The following LRRTM4 variants were observed in gnomAD, a reference collection of about 807,000 sequenced individuals.
The protein encoded by LRRTM4 is leucine-rich repeat transmembrane neuronal protein 4.
In LRRTM4, 25 loss-of-function variants were observed where a neutral mutation model predicts 47.6. The observed-to-expected ratio is 0.53, with a 90% confidence interval of 0.38 to 0.73. The LOEUF (loss-of-function observed/expected upper bound fraction) is 0.73. LRRTM4 is among the 30% of genes least tolerant of loss of function. The probability of loss-of-function intolerance (pLI) is 0.00; values close to 1 mark genes in which losing one functional copy is unlikely to be tolerated. For missense variants in LRRTM4, 638 were observed against 713.4 expected, an observed-to-expected ratio of 0.89 and a Z score of 1.20; for synonymous variants, 311 against 269.5, an observed-to-expected ratio of 1.15 and a Z score of -1.51.
chr2:76,799,301 G>A (rs1470866314), intron 3 of LRRTM4, among the ~76,000 whole-genome samples: 2 of 109,236 alleles, frequency 1.8e-5, no homozygotes, highest in Admixed American at 8.8e-5. Context: ...TTCAATATAC[G>A]CAAATCAATA....
intron 3 of LRRTM4, among the ~76,000 whole-genome samples, chr2:76,764,034 T>C (rs189240588): frequency 6.6e-6 from 1 of 152,168 alleles, no homozygotes; most frequent in East Asian, 1.9e-4. Flanking sequence ...AAGAACTCAG[T>C]TGAATGTGTT....
intron 3 of LRRTM4, among the ~76,000 whole-genome samples, chr2:77,165,289 A>G (rs1672847811): frequency 6.6e-6 from 1 of 152,170 alleles, no homozygotes; most frequent in African/African-American, 2.4e-5. Context: ...CGAATAGACC[A>G]ATAACCGGCT....
intron 3 of LRRTM4, among the ~76,000 whole-genome samples, chr2:76,969,834 T>C (rs1440479920): frequency 6.6e-6 from 1 of 151,950 alleles, no homozygotes; most frequent in African/African-American, 2.4e-5. Context: ...GCTATCTCCA[T>C]TTTCTTAGGG....
intron 3 of LRRTM4, among the ~76,000 whole-genome samples, chr2:77,172,643 A>G (rs192134833): frequency 4.9e-4 from 75 of 152,302 alleles, no homozygotes; most frequent in African/African-American, 1.8e-3. Context: ...CTAAACTACA[A>G]CATACAAACA....
At chr2:77,151,044 TA>T (rs914389813) in intron 3 of LRRTM4, among the ~76,000 whole-genome samples, 17 of 152,150 alleles carry the variant, frequency 1.1e-4, no homozygotes, top group African/African-American at 3.9e-4. Context: ...TATGATTTGG[TA>T]AGTTTGGACA....
At chr2:76,937,740 C>T (rs1161536933) in intron 3 of LRRTM4, among the ~76,000 whole-genome samples, 2 of 151,890 alleles carry the variant, frequency 1.3e-5, no homozygotes, top group African/African-American at 4.8e-5. Flanking sequence ...CTAATTTTTT[C>T]GTATTTTAGT....
intron 3 of LRRTM4, among the ~76,000 whole-genome samples, chr2:76,890,385 C>A (rs1053755170): frequency 1.3e-5 from 2 of 151,990 alleles, no homozygotes. Context: ...ATCTACTCTA[C>A]AAGTTCTATA....
intron 3 of LRRTM4, among the ~76,000 whole-genome samples, chr2:76,991,003 A>G (rs1295450994): frequency 6.6e-6 from 1 of 151,826 alleles, no homozygotes; most frequent in African/African-American, 2.4e-5. Context: ...ATCTCTGTAA[A>G]CCACACAGTT....
intron 3 of LRRTM4, among the ~76,000 whole-genome samples, chr2:76,978,585 T>C (rs1676495950): frequency 6.6e-6 from 1 of 152,068 alleles, no homozygotes; most frequent in Admixed American, 6.6e-5. Context: ...CACAGTGCAC[T>C]TAATCATTCC....
intron 3 of LRRTM4, among the ~76,000 whole-genome samples, chr2:77,143,979 A>T (rs1224859305): frequency 1.3e-5 from 2 of 152,168 alleles, no homozygotes; most frequent in African/African-American, 4.8e-5. Flanking sequence ...AGATTGAGAG[A>T]CAGAGATTAA....
Position 77,519,214 on chromosome 2 carries a change from T to G in LRRTM4, c.655A>C (p.Lys219Gln). ...ELHLEHNQFS[K>Q]INFAHFPRLF... is the part of the protein sequence containing the mutation. The stretch of plus-strand genomic sequence containing the variant: ...CGTGGAAAATGAGCAAAGTTGATCT[T>G]GGAAAACTGGTTGTGCTCCAGGTGG... The change falls in exon 3 of 4, where the codon AAG (lysine) becomes CAG (glutamine). Residue 219 changes from lysine to glutamine, a missense_variant. Transcript: ENST00000409884. The surrounding 1 kb of genome is among the most constrained non-coding windows in gnomAD (Gnocchi z 4.6). 6.2e-7 allele frequency: 1 copy of G among 1,613,302 alleles called. No homozygotes were observed. The highest frequency in any genetic ancestry group is 8.5e-7 in the Non-Finnish European group (1 of 1,179,588).
chr2:76,962,654 GTAATA>G (rs1675899894), intron 3 of LRRTM4, among the ~76,000 whole-genome samples: 1 of 150,160 alleles, frequency 6.7e-6, no homozygotes, highest in Non-Finnish European at 1.5e-5. Context: ...AGCAAATTCA[GTAATA>G]TAATTGCAAA....
chr2:76,950,693 C>G (rs553433513), intron 3 of LRRTM4, among the ~76,000 whole-genome samples: 1 of 151,490 alleles, frequency 6.6e-6, no homozygotes, highest in Non-Finnish European at 1.5e-5. Context: ...AAATTAGGGC[C>G]CTATGAAAGC....
chr2:77,433,302 T>A (rs1675459498), intron 3 of LRRTM4, among the ~76,000 whole-genome samples: 2 of 152,140 alleles, frequency 1.3e-5, no homozygotes, highest in Non-Finnish European at 2.9e-5. Context: ...AGAGAATAGA[T>A]GAACAGAAAG....
chr2:76,888,685 A>C (rs2104143230), intron 3 of LRRTM4, among the ~76,000 whole-genome samples: 1 of 151,806 alleles, frequency 6.6e-6, no homozygotes, highest in Admixed American at 6.6e-5. Flanking sequence ...TCTAGATTTT[A>C]GTTTGGACCA....
At chr2:76,911,320 A>G (rs1242949583) in intron 3 of LRRTM4, among the ~76,000 whole-genome samples, 1 of 152,166 alleles carries the variant, frequency 6.6e-6, no homozygotes, top group East Asian at 1.9e-4. Context: ...TTTCACAATT[A>G]TTTCTTTTAA....
chr2:77,499,678 T>C (rs1463998294), intron 3 of LRRTM4, among the ~76,000 whole-genome samples: 1 of 151,958 alleles, frequency 6.6e-6, no homozygotes, highest in Admixed American at 6.6e-5. Context: ...AAGCCTATTT[T>C]ATTTGTCCAG....
chr2:76,807,946 TTTCTTTCTTTTTC>T (rs1670592929), intron 3 of LRRTM4, among the ~76,000 whole-genome samples: 2 of 134,140 alleles, frequency 1.5e-5, no homozygotes, highest in East Asian at 5.3e-4. Flanking sequence ...TCTTTCTTTC[TTTCTTTCTTTTTC>T]TTTTTCTTTC....
chr2:77,256,691 T>C (rs1675778191), intron 3 of LRRTM4, among the ~76,000 whole-genome samples: 1 of 152,168 alleles, frequency 6.6e-6, no homozygotes, highest in Non-Finnish European at 1.5e-5. Flanking sequence ...TGTGAGTCAA[T>C]AAAACCTCTT....
Sources: gnomAD v4.1 joint callset for allele counts (sites outside exome capture counted in the v4.1 genomes callset) on GRCh38, gnomAD v4.1.1 for gene constraint, Gnocchi (gnomAD v3.1) non-coding constraint, MANE v1.5 for transcripts, NCBI Gene and HGNC (gene_info 2026-07-23, HGNC 2026-07-21) for gene names.